The following MYO6 variants were observed in gnomAD, a reference collection of about 807,000 sequenced individuals.
MYO6 encodes the protein myosin VI.
Under a neutral mutation model 178.7 loss-of-function variants are expected in MYO6, and 74 were observed. The observed-to-expected ratio is 0.41, with a 90% CI of 0.34 to 0.50. The LOEUF is 0.50. MYO6 is among the 20% of genes least tolerant of loss of function. The probability of loss-of-function intolerance (pLI) is 0.09; values close to 1 mark genes in which losing one functional copy is unlikely to be tolerated. For synonymous variants in MYO6, 477 were observed against 504.6 expected (o/e 0.95, Z 0.73); for missense variants, 1,330 against 1,547.4 (o/e 0.86, Z 2.36).
At chr6:75,770,728 TGGCC>T (rs1765800959) in intron 1 of MYO6, among the ~76,000 whole-genome samples, 1 of 152,168 alleles carries the variant, frequency 6.6e-6, no homozygotes, top group Non-Finnish European at 1.5e-5. Context: ...CCACCAGCCA[TGGCC>T]TCCCAAAGTG....
At chr6:75,859,090 A>T (rs1024913329) in intron 14 of MYO6, 97 bp downstream of exon 14, 3 of 847,684 alleles carry the variant, frequency 3.5e-6, no homozygotes, top group Admixed American at 2.1e-5. Flanking sequence ...GTGTGGATGG[A>T]TGGTGTATAA....
chr6:75,818,927 T>G (rs1183586807), intron 2 of MYO6, among the ~76,000 whole-genome samples: 1 of 152,196 alleles, frequency 6.6e-6, no homozygotes, highest in Non-Finnish European at 1.5e-5. Context: ...GTTTAACATA[T>G]TTTATAAGCA....
intron 1 of MYO6, among the ~76,000 whole-genome samples, chr6:75,795,516 T>C (rs1267147159): frequency 6.6e-6 from 1 of 152,128 alleles, no homozygotes; most frequent in African/African-American, 2.4e-5. Context: ...TTTTATCAGG[T>C]TTTATAGAGG....
chr6:75,829,987 A>C (rs1182478481), intron 4 of MYO6, among the ~76,000 whole-genome samples: 1 of 152,206 alleles, frequency 6.6e-6, no homozygotes, highest in African/African-American at 2.4e-5. Flanking sequence ...AAGGAATACA[A>C]ATGACTAAAA....
At chr6:75,784,541 A>T (rs2150062607) in intron 1 of MYO6, among the ~76,000 whole-genome samples, 1 of 151,872 alleles carries the variant, frequency 6.6e-6, no homozygotes, top group East Asian at 2.0e-4. Flanking sequence ...TGGGAGGCCG[A>T]GGTGGGCAGA....
chr6:75,877,885 T>A (rs963551066), intron 20 of MYO6, among the ~76,000 whole-genome samples: 2 of 152,222 alleles, frequency 1.3e-5, no homozygotes, highest in Admixed American at 6.5e-5. Context: ...AAATTCTTAA[T>A]GAACTGTGAG....
intron 30 of MYO6, among the ~76,000 whole-genome samples, chr6:75,899,459 G>A (rs906766243): frequency 1.3e-5 from 2 of 151,998 alleles, no homozygotes; most frequent in African/African-American, 4.8e-5. Context: ...TTATTGATTG[G>A]TAGTTTAGGG....
Position 75,915,874 on chromosome 6 carries a change from A to G in MYO6, c.*862A>G, listed in dbSNP as rs1044340883. The G allele has an allele frequency of 6.6e-6, 1 of 152,612 alleles. No homozygotes were observed. The highest frequency in any genetic ancestry group is 2.4e-5 in the African/African-American group (1 of 41,458). 9.5% of individuals were successfully genotyped at this position (152,612 alleles called of 1,614,324 possible). ...ACTTCATCTCAATAGTGATTTTTGTATCAGAATCTTGTCCAAGTTGTTTCA... is the reference window on the plus strand; with the variant it reads ...ACTTCATCTCAATAGTGATTTTTGTGTCAGAATCTTGTCCAAGTTGTTTCA... On this transcript the variant is annotated 3_prime_UTR_variant, in exon 35 of 35. Transcript: ENST00000369977.
chr6:75,818,769 G>T (rs1359901482), intron 2 of MYO6, among the ~76,000 whole-genome samples: 2 of 151,982 alleles, frequency 1.3e-5, no homozygotes, highest in Non-Finnish European at 2.9e-5. Flanking sequence ...TGTTAGAGGA[G>T]GCCAGTTAAA....
At chr6:75,831,946 G>T (rs969899622) in intron 5 of MYO6, among the ~76,000 whole-genome samples, 2 of 151,804 alleles carry the variant, frequency 1.3e-5, no homozygotes, top group Admixed American at 1.3e-4. Context: ...GGATGTGTGC[G>T]CTCTTGTATA....
chr6:75,829,322 A>T (rs1371553328), intron 4 of MYO6, among the ~76,000 whole-genome samples: 2 of 152,126 alleles, frequency 1.3e-5, no homozygotes, highest in Non-Finnish European at 2.9e-5. Flanking sequence ...GTATCACCTA[A>T]CTGTGTAGTC....
chr6:75,911,349 T>C (rs892276286), intron 32 of MYO6, among the ~76,000 whole-genome samples: 2 of 152,036 alleles, frequency 1.3e-5, no homozygotes, highest in East Asian at 3.8e-4. Context: ...TGAAAGGTAC[T>C]ATAATGTCTA....
At chr6:75,857,049 C>A in intron 12 of MYO6, 48 bp from the exon 13 acceptor site, 1 of 1,570,340 alleles carries the variant, frequency 6.4e-7, no homozygotes, top group Middle Eastern at 1.7e-4. Context: ...GGCATTTTCA[C>A]AGTGCACTAT....
At chr6:75,796,415 GT>G (rs994469124) in intron 1 of MYO6, among the ~76,000 whole-genome samples, 10 of 151,186 alleles carry the variant, frequency 6.6e-5, no homozygotes, top group East Asian at 1.9e-4. Context: ...ACATCTTTGA[GT>G]TTTTTTTTGA....
At chr6:75,826,947 G>A (rs925678614) in intron 3 of MYO6, among the ~76,000 whole-genome samples, 4 of 152,136 alleles carry the variant, frequency 2.6e-5, no homozygotes, top group Non-Finnish European at 4.4e-5. Context: ...AGGTGAAAGT[G>A]AACTGGCTGC....
rs190555238 is a variant in MYO6 at position 75,824,500 on chromosome 6, A to C, written c.187+1649A>C. On this transcript the variant is annotated intron_variant, in intron 3 of 34. Coordinates refer to ENST00000369977, the MANE Select transcript of MYO6 (RefSeq NM_004999.4). ...CCACCATACCACTGTCCTCTGCTGA[A>C]TGACACACTGTAACACAAAGCTATA... Among the ~76,000 whole-genome samples the C allele has an allele frequency of 2.9e-3, 439 of 152,276 alleles. 5 individuals carry two copies. Among genetic ancestry groups the C allele is most frequent in the African/African-American group, 0.01 (422 of 41,552 alleles).
At chr6:75,892,760 C>T (rs1779003232) in intron 28 of MYO6, 70 bp downstream of exon 28, 1 of 1,527,016 alleles carries the variant, frequency 6.5e-7, no homozygotes, top group East Asian at 2.3e-5. Flanking sequence ...CTCTCATTTC[C>T]ATGCAGAAGG....
At chr6:75,869,070 ATTTTTTTTT>A (rs71544072) in intron 18 of MYO6, among the ~76,000 whole-genome samples, 1 of 59,854 alleles carries the variant, frequency 1.7e-5, no homozygotes, top group African/African-American at 6.6e-5. Context: ...CTTTATCTCC[ATTTTTTTTT>A]TTTTTTTTTT....
At chr6:75,878,203 C>G (rs2149339108) in intron 20 of MYO6, among the ~76,000 whole-genome samples, 1 of 152,204 alleles carries the variant, frequency 6.6e-6, no homozygotes, top group South Asian at 2.1e-4. Flanking sequence ...AACTCTACGT[C>G]TTGGGTATAT....
Sources: gnomAD v4.1 joint callset for allele counts (sites outside exome capture counted in the v4.1 genomes callset) on GRCh38, gnomAD v4.1.1 for gene constraint, MANE v1.5 for transcripts, NCBI Gene and HGNC (gene_info 2026-07-23, HGNC 2026-07-21) for gene names.